Variants in PEAK1 observed in about 807,000 individuals in gnomAD.
The protein encoded by PEAK1 is pseudopodium enriched atypical kinase 1.
A neutral mutation model predicts 124.7 loss-of-function variants in PEAK1; 54 were observed. The observed-to-expected ratio is 0.43, with a 90% CI of 0.35 to 0.54. The LOEUF is 0.54. Among genes scored for constraint, PEAK1 ranks in the 20% least tolerant of loss-of-function variants. The pLI is 0.01. For synonymous variants in PEAK1, 719 were observed against 760.0 expected (o/e 0.95, Z 0.89); for missense variants, 2,046 against 2,134.5 (o/e 0.96, Z 0.82).
At chr15:77,227,971 G>A (rs1357428352) in intron 6 of PEAK1, among the ~76,000 whole-genome samples, 1 of 151,956 alleles carries the variant, frequency 6.6e-6, no homozygotes, top group Non-Finnish European at 1.5e-5. Flanking sequence ...GCTCCAGCCT[G>A]GGAGATACAG....
chr15:77,300,524 A>G (rs1213016993), intron 2 of PEAK1, among the ~76,000 whole-genome samples: 1 of 152,222 alleles, frequency 6.6e-6, no homozygotes, highest in East Asian at 1.9e-4. Flanking sequence ...GATAGTACAT[A>G]GAGTTCCCAT....
Position 77,113,669 on chromosome 15 carries a change from A to C in PEAK1, c.*487T>G, listed in dbSNP as rs1360129690. On this transcript the variant is annotated 3_prime_UTR_variant, in exon 10 of 10. Coordinates refer to ENST00000682557, the MANE Select transcript of PEAK1 (RefSeq NM_001385026.1). The stretch of plus-strand genomic sequence containing the variant: ...GCTAAGGATGGCAGTCCTGCCTAGT[A>C]AGTCAGTTGTTGACACCTTAAAGGA... The C allele has an allele frequency of 1.3e-5, 2 of 159,288 alleles. No individual in the cohort carries two copies. Among genetic ancestry groups the C allele is most frequent in the African/African-American group, 4.8e-5 (2 of 41,510 alleles). The allele number at this position is 159,288 out of a possible 1,614,324, so 9.9% of individuals were successfully genotyped here. A position where few individuals can be genotyped will look rare whatever the true frequency, so the allele number is the denominator to read the frequency against.
chr15:77,179,149 T>C lies in PEAK1; in HGVS notation c.2778A>G (p.Ile926Met). The stretch of plus-strand genomic sequence containing the variant: ...GACGGCGGAAGAAGCTTTTAAATGA[T>C]ATCCAGCGCTTAGGTTTTGCATCAG... ...RAADAKPKRW[I>M]SFKSFFRRRK... Residue 926 changes from isoleucine to methionine, a missense_variant, in exon 7 of 10, where the codon ATA (isoleucine) becomes ATG (methionine). Physicochemically the swap from Ile to Met is conservative, Grantham distance 10 (BLOSUM62 1). Coordinates refer to ENST00000682557, the MANE Select transcript of PEAK1 (RefSeq NM_001385026.1). The C allele has an allele frequency of 6.2e-7, 1 of 1,614,188 alleles. No individual in the cohort carries two copies. Among genetic ancestry groups the C allele is most frequent in the Non-Finnish European group, 8.5e-7 (1 of 1,180,028 alleles).
intron 2 of PEAK1, among the ~76,000 whole-genome samples, chr15:77,362,400 A>T (rs776802801): frequency 2.0e-5 from 3 of 152,208 alleles, no homozygotes; most frequent in Non-Finnish European, 4.4e-5. Context: ...AAGCATATTT[A>T]AAAAGTTCAT....
intron 7 of PEAK1, among the ~76,000 whole-genome samples, chr15:77,161,901 G>A (rs377172309): frequency 6.8e-6 from 1 of 146,564 alleles, no homozygotes; most frequent in Non-Finnish European, 1.5e-5. Context: ...AGGGGGCAGA[G>A]GTTGCAGTGA....
At chr15:77,145,106 CTCTTTT>C (rs2054078958) in intron 8 of PEAK1, among the ~76,000 whole-genome samples, 1 of 152,218 alleles carries the variant, frequency 6.6e-6, no homozygotes, top group South Asian at 2.1e-4. Flanking sequence ...ACTTACTTTT[CTCTTTT>C]TCTGAGCTTC....
At chr15:77,273,674 G>C (rs1003334909) in intron 5 of PEAK1, among the ~76,000 whole-genome samples, 1 of 152,094 alleles carries the variant, frequency 6.6e-6, no homozygotes, top group African/African-American at 2.4e-5. Context: ...TGGATGGGTA[G>C]AATCAATATT....
In PEAK1 at chr15:77,180,659, T is replaced by C. The variant is rs764845773; in HGVS notation, c.1268A>G (p.Glu423Gly). Reference sequence around the variant, plus strand: ...TTGTACAGCAATCTTGCCATCTTTCTCTTCTAATCGGAGAGCAAGGACTGC... The same window carrying C: ...TTGTACAGCAATCTTGCCATCTTTCCCTTCTAATCGGAGAGCAAGGACTGC... ...HKAVLALRLEEKDGKIAVQTE... is the reference protein window; with the variant it reads ...HKAVLALRLEGKDGKIAVQTE... Residue 423 changes from glutamate to glycine, a missense_variant, in exon 7 of 10, where the codon GAG becomes GGG. Transcript: ENST00000682557. The C allele has an allele frequency of 2.3e-5, 37 of 1,614,188 alleles. No homozygotes were observed. The East Asian group carries it at 7.8e-4, about 34-fold the overall frequency.
At position 77,213,480 on chromosome 15, in the gene PEAK1, C is replaced by A. The variant is rs113267384; in HGVS notation, c.-114-31440G>T. 3.5e-4 allele frequency among the ~76,000 whole-genome samples: 53 copies of A among 152,064 alleles called. 1 individual carries two copies. In the South Asian group the frequency reaches 0.011, roughly 31 times the overall value. On this transcript the variant is annotated intron_variant, in intron 6 of 9. Transcript: ENST00000682557. ...GCCGAGGTGGGTGATCACGAAGACA[C>A]GAGTTCAAGACCAGCCTGGCCAAGA...
chr15:77,343,968 T>C (rs924978715), intron 2 of PEAK1, among the ~76,000 whole-genome samples: 8 of 152,350 alleles, frequency 5.3e-5, no homozygotes, highest in Non-Finnish European at 7.3e-5. Flanking sequence ...TCATTCTTTT[T>C]TCATATGGAA....
At chr15:77,191,494 C>CATGG (rs1567095121) in intron 6 of PEAK1, among the ~76,000 whole-genome samples, 1 of 152,158 alleles carries the variant, frequency 6.6e-6, no homozygotes. Flanking sequence ...CTTCAGTTAT[C>CATGG]ATGGATGATT....
chr15:77,288,119 C>G (rs2063021632), intron 2 of PEAK1, among the ~76,000 whole-genome samples: 1 of 151,970 alleles, frequency 6.6e-6, no homozygotes, highest in Non-Finnish European at 1.5e-5. Context: ...TATATCAAAC[C>G]CTCATTATGC....
rs531463732 is a variant in PEAK1, at chr15:77,150,962, G to A, written c.3331+7541C>T. Among the ~76,000 whole-genome samples, 81 of 152,064 alleles carry A rather than the reference G, an allele frequency of 5.3e-4. 2 individuals are homozygous for A. In the East Asian group the frequency reaches 6.0e-3, roughly 11 times the overall value. On this transcript the variant is annotated intron_variant, in intron 8 of 9. Coordinates refer to ENST00000682557, the MANE Select transcript of PEAK1 (RefSeq NM_001385026.1). Reference sequence around the variant, plus strand: ...AGTCTTTGCTATTGTGAATAATGCCGCAATAAACATACGTGTGCATGTGTC... The same window carrying A: ...AGTCTTTGCTATTGTGAATAATGCCACAATAAACATACGTGTGCATGTGTC...
intron 2 of PEAK1, chr15:77,348,066 A>C: frequency 1.0e-6 from 1 of 985,366 alleles, no homozygotes; most frequent in Non-Finnish European, 1.2e-6. Context: ...TTTCTACAAA[A>C]ACATTTTGGT....
chr15:77,135,651 T>A (rs1310394113), intron 8 of PEAK1, among the ~76,000 whole-genome samples: 1 of 152,178 alleles, frequency 6.6e-6, no homozygotes. Flanking sequence ...GGTAACTGAG[T>A]CAGCACAGGT....
intron 9 of PEAK1, among the ~76,000 whole-genome samples, chr15:77,130,370 G>A (rs369050126): frequency 1.3e-5 from 2 of 152,176 alleles, no homozygotes; most frequent in South Asian, 2.1e-4. Flanking sequence ...CAATAGTAAT[G>A]TATTAACTTG....
chr15:77,121,045 T>C (rs990947024), intron 9 of PEAK1, among the ~76,000 whole-genome samples: 2 of 152,184 alleles, frequency 1.3e-5, no homozygotes, highest in Non-Finnish European at 2.9e-5. Context: ...AGTTATCACA[T>C]TTTTTATCTT....
intron 1 of PEAK1, among the ~76,000 whole-genome samples, chr15:77,365,959 T>C (rs1567312522): frequency 6.6e-6 from 1 of 151,896 alleles, no homozygotes; most frequent in East Asian, 1.9e-4. Context: ...CCTAAGCAAA[T>C]AAGTAAATTA....
At chr15:77,202,594 G>A (rs986144214) in intron 6 of PEAK1, among the ~76,000 whole-genome samples, 1 of 150,970 alleles carries the variant, frequency 6.6e-6, no homozygotes, top group Non-Finnish European at 1.5e-5. Context: ...GTGAAACCCC[G>A]TCTCTACTAA....
Sources: allele counts gnomAD v4.1 joint callset (sites outside exome capture counted in the v4.1 genomes callset), GRCh38; gene constraint gnomAD v4.1.1; transcripts MANE v1.5; gene names NCBI Gene and HGNC (gene_info 2026-07-23, HGNC 2026-07-21).